Variants in TMEM272 observed in about 807,000 individuals in gnomAD.
TMEM272 encodes long intergenic non-protein coding RNA 282.
Under a neutral mutation model 3.7 loss-of-function variants are expected in TMEM272, and 8 were observed. The ratio of observed to expected loss-of-function variants is 2.17; its 90% confidence interval spans 1.27 to 3.91. The LOEUF (loss-of-function observed/expected upper bound fraction) is 3.91. TMEM272 is among the 30% of genes most tolerant of loss of function. The probability of loss-of-function intolerance (pLI) is 0.00; values close to 1 mark genes in which losing one functional copy is unlikely to be tolerated. For missense variants in TMEM272, 166 were observed against 91.5 expected, an observed-to-expected ratio of 1.81 and a Z score of -3.32; for synonymous variants, 63 against 39.8, an observed-to-expected ratio of 1.58 and a Z score of -2.20.
chr13:51,934,342 G>C, the TMEM272 span: 1 of 303,996 alleles, frequency 3.3e-6, no homozygotes. Context: ...GGCGTCATCA[G>C]AAAGACCCTG....
the TMEM272 span, chr13:51,866,307 A>G: frequency 2.1e-6 from 1 of 476,650 alleles, no homozygotes; most frequent in Non-Finnish European, 3.8e-6. Flanking sequence ...CCTCTGGGCC[A>G]CAGAGATCGG....
the TMEM272 span, among the ~76,000 whole-genome samples, chr13:51,856,394 CT>C: frequency 6.6e-6 from 1 of 152,184 alleles, no homozygotes; most frequent in Admixed American, 6.5e-5. Context: ...ACTCAGGCCC[CT>C]CCCATAATCC....
At chr13:51,820,720 A>G (rs1956071516) in intron 4 of TMEM272, among the ~76,000 whole-genome samples, 1 of 152,158 alleles carries the variant, frequency 6.6e-6, no homozygotes, top group South Asian at 2.1e-4. Flanking sequence ...TCTCTATGGC[A>G]CTCAAACCGT....
In TMEM272 at chr13:51,814,321, TGAGG is replaced by T. The variant is rs1395006903; in HGVS notation, c.*2426_*2429del. On this transcript the variant is annotated 3_prime_UTR_variant, in exon 5 of 5. Transcript: ENST00000629372. The stretch of plus-strand genomic sequence containing the variant: ...TTATCATAACCATCTCACCATCTCC[TGAGG>T]GAGGCCTTAATCAGTTATCATTCAA... 3.3e-5 allele frequency: 5 copies of T among 152,262 alleles called. No individual in the cohort carries two copies. Among genetic ancestry groups the T allele is most frequent in the African/African-American group, 1.2e-4 (5 of 41,462 alleles). The allele number at this position is 152,262 out of a possible 1,614,324, so 9.4% of individuals were successfully genotyped here. A position where few individuals can be genotyped will look rare whatever the true frequency, so the allele number is the denominator to read the frequency against.
At chr13:51,855,387 T>C in the TMEM272 span, among the ~76,000 whole-genome samples, 1 of 151,980 alleles carries the variant, frequency 6.6e-6, no homozygotes, top group East Asian at 1.9e-4. Flanking sequence ...CTGAAGAGCC[T>C]CAGAATATTA....
the TMEM272 span, among the ~76,000 whole-genome samples, chr13:51,860,818 AGT>A: frequency 2.2e-4 from 32 of 144,198 alleles, no homozygotes; most frequent in African/African-American, 6.4e-4. Context: ...TATATATAGA[AGT>A]GTGTGTGTGT....
the TMEM272 span, among the ~76,000 whole-genome samples, chr13:51,869,633 G>C: frequency 6.6e-6 from 1 of 152,038 alleles, no homozygotes; most frequent in Admixed American, 6.5e-5. Context: ...GGGATTACAG[G>C]CACCTGCCGC....
chr13:51,898,855 T>C, the TMEM272 span, among the ~76,000 whole-genome samples: 3 of 152,082 alleles, frequency 2.0e-5, no homozygotes, highest in Non-Finnish European at 4.4e-5. Flanking sequence ...TTTCCTGATC[T>C]ACCACTCACT....
intron 1 of TMEM272, among the ~76,000 whole-genome samples, chr13:51,842,132 AC>A (rs1468707825): frequency 6.6e-6 from 1 of 152,122 alleles, no homozygotes; most frequent in Non-Finnish European, 1.5e-5. Context: ...TAAACACTAA[AC>A]CACTGTGAAT....
At chr13:51,826,964 ACTGAGCCAGG>A (rs2043599300) in intron 2 of TMEM272, among the ~76,000 whole-genome samples, 1 of 152,228 alleles carries the variant, frequency 6.6e-6, no homozygotes, top group South Asian at 2.1e-4. Flanking sequence ...GCCGGCATCC[ACTGAGCCAGG>A]CAGGATTCAC....
the TMEM272 span, among the ~76,000 whole-genome samples, chr13:51,891,994 T>C: frequency 5.9e-5 from 9 of 152,210 alleles, no homozygotes; most frequent in Non-Finnish European, 1.3e-4. Flanking sequence ...GTATTAGTAA[T>C]GCTATGCGAG....
the TMEM272 span, among the ~76,000 whole-genome samples, chr13:51,897,511 G>A: frequency 0.64 from 97,097 of 151,456 alleles, 32,580 homozygotes; most frequent in Non-Finnish European, 0.75. Flanking sequence ...ACTGTGCCTG[G>A]CCAAAATTAT....
intron 2 of TMEM272, among the ~76,000 whole-genome samples, chr13:51,829,278 C>G (rs1035495893): frequency 8.6e-5 from 13 of 151,970 alleles, no homozygotes; most frequent in African/African-American, 3.1e-4. Context: ...TTTGATTTCC[C>G]CTACTTAAAA....
chr13:51,902,984 G>T, the TMEM272 span, among the ~76,000 whole-genome samples: 1 of 152,240 alleles, frequency 6.6e-6, no homozygotes, highest in South Asian at 2.1e-4. Context: ...ACTCAAAGCT[G>T]GGAGATGAGT....
At chr13:51,853,288 T>C in the TMEM272 span, among the ~76,000 whole-genome samples, 3 of 152,050 alleles carry the variant, frequency 2.0e-5, no homozygotes, top group African/African-American at 7.3e-5. Flanking sequence ...CGCATGCCAG[T>C]AGTCCCAGCT....
chr13:51,822,336 C>T (rs111553495), intron 3 of TMEM272, among the ~76,000 whole-genome samples, 199 bp from the exon 4 acceptor site: 1 of 152,230 alleles, frequency 6.6e-6, no homozygotes, highest in South Asian at 2.1e-4. Context: ...GCTCTCACAG[C>T]GGAGTGGCGA....
chr13:51,889,799 G>A, the TMEM272 span, among the ~76,000 whole-genome samples: 70,894 of 151,864 alleles, frequency 0.47, 17,595 homozygotes, highest in Non-Finnish European at 0.56. Flanking sequence ...GCGCCACCAC[G>A]CCCGACTAAT....
chr13:51,853,815 A>G, the TMEM272 span, among the ~76,000 whole-genome samples: 1 of 152,246 alleles, frequency 6.6e-6, no homozygotes, highest in Non-Finnish European at 1.5e-5. Flanking sequence ...ATATGTAGTC[A>G]TAAGGATAGG....
chr13:51,826,700 T>C (rs1044395051), intron 2 of TMEM272, 75 bp from the exon 3 acceptor site: 1 of 697,216 alleles, frequency 1.4e-6, no homozygotes, highest in East Asian at 2.7e-5. Context: ...CTGCAGTTTC[T>C]TAAGCATCCT....
Sources: gnomAD v4.1 joint callset for allele counts (sites outside exome capture counted in the v4.1 genomes callset) on GRCh38, gnomAD v4.1.1 for gene constraint, MANE v1.5 for transcripts, NCBI Gene and HGNC (gene_info 2026-07-23, HGNC 2026-07-21) for gene names.